The following DCBLD2 variants were observed in gnomAD, a reference collection of about 807,000 sequenced individuals.
DCBLD2 encodes the protein discoidin, CUB and LCCL domain containing 2, also known as discoidin, CUB and LCCL domain-containing protein 2.
A neutral mutation model predicts 86.8 loss-of-function variants in DCBLD2; 54 were observed. The ratio of observed to expected loss-of-function variants is 0.62; its 90% CI spans 0.50 to 0.78. The LOEUF (loss-of-function observed/expected upper bound fraction) is 0.78. DCBLD2 is among the 30% of genes least tolerant of loss of function. The pLI is 0.00. For synonymous variants in DCBLD2, 354 were observed against 341.3 expected (o/e 1.04, Z -0.41); for missense variants, 908 against 954.2 (o/e 0.95, Z 0.64).
chr3:98,838,671 G>A (rs150543684), intron 3 of DCBLD2, among the ~76,000 whole-genome samples: 9,369 of 152,082 alleles, frequency 0.062, 349 homozygotes, highest in Non-Finnish European at 0.071. Context: ...CTGCAATCTC[G>A]GCACTTTGGG....
intron 2 of DCBLD2, among the ~76,000 whole-genome samples, chr3:98,861,967 A>G (rs1943052667): frequency 6.6e-6 from 1 of 152,206 alleles, no homozygotes; most frequent in Non-Finnish European, 1.5e-5. Context: ...AACAAAATTG[A>G]TAGATTGCTA....
At position 98,891,046 on chromosome 3, in the gene DCBLD2, C is replaced by T. The variant is rs143287569; in HGVS notation, c.206-9279G>A. Among the ~76,000 whole-genome samples the T allele has an allele frequency of 2.5e-3, 376 of 152,114 alleles. 7 individuals carry two copies. Among genetic ancestry groups the T allele is most frequent in the African/African-American group, 8.8e-3 (367 of 41,522 alleles). On this transcript the variant is annotated intron_variant, in intron 1 of 15. Transcript: ENST00000326840. ...ACAGTAAAAATGTCAGACAAGACCC[C>T]TGTCCTTACAGAGTTTACAATATAG...
At chr3:98,843,088 T>C (rs1412824275) in intron 3 of DCBLD2, among the ~76,000 whole-genome samples, 1 of 152,230 alleles carries the variant, frequency 6.6e-6, no homozygotes, top group Non-Finnish European at 1.5e-5. Context: ...TCTTAACAGA[T>C]TAAGTGTTTA....
At position 98,890,093 on chromosome 3, in the gene DCBLD2, G is replaced by A. The variant is rs540877850; in HGVS notation, c.206-8326C>T. On this transcript the variant is annotated intron_variant, in intron 1 of 15. Transcript: ENST00000326840. Reference sequence around the variant, plus strand: ...TGCAATTCACGTTCAAGACTGTTGCGGGTTGAATTGTGTCCCTCAAAAAGA... The same window carrying A: ...TGCAATTCACGTTCAAGACTGTTGCAGGTTGAATTGTGTCCCTCAAAAAGA... Among the ~76,000 whole-genome samples the A allele has an allele frequency of 4.6e-5, 7 of 151,982 alleles. No homozygotes were observed. In the South Asian group the frequency reaches 1.2e-3, roughly 27 times the overall value.
intron 3 of DCBLD2, among the ~76,000 whole-genome samples, chr3:98,836,618 C>CTCCG (rs1942457006): frequency 7.0e-6 from 1 of 142,000 alleles, no homozygotes; most frequent in Non-Finnish European, 1.6e-5. Context: ...GCACACCTCC[C>CTCCG]AGACGGGGCG....
chr3:98,845,453 C>T (rs573896436), intron 3 of DCBLD2, among the ~76,000 whole-genome samples: 18 of 152,140 alleles, frequency 1.2e-4, no homozygotes, highest in African/African-American at 4.3e-4. Flanking sequence ...ACAGTCTTTA[C>T]AAACTGGCAT....
intron 1 of DCBLD2, 198 bp downstream of exon 1, chr3:98,900,924 G>A (rs1329426859): frequency 3.1e-6 from 3 of 964,406 alleles, no homozygotes; most frequent in African/African-American, 3.3e-5. Flanking sequence ...TTGCCAAAAA[G>A]TAAAGCCGCG....
At chr3:98,868,446 T>A (rs978886291) in intron 2 of DCBLD2, among the ~76,000 whole-genome samples, 1 of 152,190 alleles carries the variant, frequency 6.6e-6, no homozygotes, top group African/African-American at 2.4e-5. Context: ...AATCTCATGT[T>A]GAAATTTATT....
chr3:98,800,736 CAA>C lies in DCBLD2; in HGVS notation c.1721-22_1721-21del, dbSNP rs1306524174. 6.2e-7 allele frequency: 1 copy of C among 1,613,540 alleles called. No homozygotes were observed. Among genetic ancestry groups the C allele is most frequent in the Non-Finnish European group, 8.5e-7 (1 of 1,179,732 alleles). Reference sequence around the variant, plus strand: ...ACCAACCTTCATTGTGACGGCAAGCCAAAGAGACCATTAAATAAAAACCTGTA... The same window carrying C: ...ACCAACCTTCATTGTGACGGCAAGCCAGAGACCATTAAATAAAAACCTGTA... On this transcript the variant is annotated intron_variant, in intron 14 of 15. Coordinates refer to ENST00000326840, the MANE Select transcript of DCBLD2 (RefSeq NM_080927.4).
At chr3:98,826,009 T>A (rs1013676786) in intron 3 of DCBLD2, among the ~76,000 whole-genome samples, 1 of 151,580 alleles carries the variant, frequency 6.6e-6, no homozygotes, top group African/African-American at 2.4e-5. Flanking sequence ...TCTCAGTAAT[T>A]TCTTAAGCAC....
At chr3:98,854,248 A>G (rs531972521) in intron 2 of DCBLD2, among the ~76,000 whole-genome samples, 1 of 152,350 alleles carries the variant, frequency 6.6e-6, no homozygotes, top group South Asian at 2.1e-4. Flanking sequence ...AGATGCTATC[A>G]TTAAATAACT....
chr3:98,861,281 CTT>C (rs201713642), intron 2 of DCBLD2, among the ~76,000 whole-genome samples: 1,519 of 149,306 alleles, frequency 0.01, 22 homozygotes, highest in African/African-American at 0.036. Context: ...TAATGGGAGA[CTT>C]TTAACACCCC....
At chr3:98,855,922 T>C (rs944146273) in intron 2 of DCBLD2, among the ~76,000 whole-genome samples, 5 of 152,186 alleles carry the variant, frequency 3.3e-5, no homozygotes, top group African/African-American at 1.2e-4. Flanking sequence ...GAAAAGGTAG[T>C]GATTCAAGGT....
chr3:98,894,994 T>C (rs893410187), intron 1 of DCBLD2, among the ~76,000 whole-genome samples: 33 of 152,030 alleles, frequency 2.2e-4, no homozygotes, highest in Non-Finnish European at 1.5e-4. Flanking sequence ...AAGAAGGGTT[T>C]TGAAGGCTGA....
chr3:98,893,451 A>T (rs765019152), intron 1 of DCBLD2, among the ~76,000 whole-genome samples: 21 of 152,170 alleles, frequency 1.4e-4, no homozygotes, highest in Non-Finnish European at 2.6e-4. Flanking sequence ...TAAAACAAAA[A>T]CCAAAACAAA....
chr3:98,854,010 A>G (rs970875409), intron 2 of DCBLD2, among the ~76,000 whole-genome samples: 1 of 151,918 alleles, frequency 6.6e-6, no homozygotes, highest in African/African-American at 2.4e-5. Flanking sequence ...TTTAACTAGT[A>G]TAGAGCATCT....
chr3:98,882,093 A>G (rs1202333208), intron 1 of DCBLD2, among the ~76,000 whole-genome samples: 1 of 152,194 alleles, frequency 6.6e-6, no homozygotes, highest in Non-Finnish European at 1.5e-5. Flanking sequence ...ATCTAGCTGT[A>G]ACTTTGTATC....
intron 3 of DCBLD2, among the ~76,000 whole-genome samples, chr3:98,825,877 C>T (rs139789506): frequency 6.6e-6 from 1 of 151,806 alleles, no homozygotes; most frequent in African/African-American, 2.4e-5. Context: ...AAAATCTGGT[C>T]CAGAGACAGG....
chr3:98,864,262 T>C (rs1943100351), intron 2 of DCBLD2, among the ~76,000 whole-genome samples: 1 of 152,236 alleles, frequency 6.6e-6, no homozygotes, highest in African/African-American at 2.4e-5. Context: ...GGTGGGACTG[T>C]AAACTTGTTA....
Sources: allele counts gnomAD v4.1 joint callset (sites outside exome capture counted in the v4.1 genomes callset), GRCh38; gene constraint gnomAD v4.1.1; transcripts MANE v1.5; gene names NCBI Gene and HGNC (gene_info 2026-07-23, HGNC 2026-07-21).